The following UBE2H variants were observed in gnomAD, a reference collection of about 807,000 sequenced individuals.
The protein encoded by UBE2H is ubiquitin-conjugating enzyme E2 H.
Under a neutral mutation model 29.0 loss-of-function variants are expected in UBE2H, and 3 were observed. The ratio of observed to expected loss-of-function variants is 0.10; its 90% CI spans 0.05 to 0.27. The LOEUF (loss-of-function observed/expected upper bound fraction) is 0.27, where lower values mean the gene tolerates loss of function less well. Among genes scored for constraint, UBE2H ranks in the 10% least tolerant of loss-of-function variants. UBE2H has a pLI of 1.00. For synonymous variants in UBE2H, 69 were observed against 82.9 expected (o/e 0.83, Z 0.91); for missense variants, 68 against 228.2 (o/e 0.30, Z 4.52).
chr7:129,944,722 A>ACT (rs1807721636), intron 1 of UBE2H, among the ~76,000 whole-genome samples: 1 of 97,098 alleles, frequency 1.0e-5, no homozygotes, highest in African/African-American at 4.0e-5. Context: ...CAAAACACAC[A>ACT]CACACACACA....
intron 3 of UBE2H, among the ~76,000 whole-genome samples, chr7:129,863,444 T>C (rs890785335): frequency 1.3e-5 from 2 of 152,206 alleles, no homozygotes; most frequent in African/African-American, 4.8e-5. Context: ...TTGAACTATA[T>C]GATCTCCCAA....
At chr7:129,904,199 G>A (rs1357523064) in intron 1 of UBE2H, among the ~76,000 whole-genome samples, 1 of 152,012 alleles carries the variant, frequency 6.6e-6, no homozygotes, top group Non-Finnish European at 1.5e-5. Flanking sequence ...CCTCCCCAGG[G>A]CCTTTGCAAT....
At position 129,849,152 on chromosome 7, in the gene UBE2H, GA is replaced by G. The variant is rs1387244280; in HGVS notation, c.298+8358del. Among the ~76,000 whole-genome samples, 12 of 91,822 alleles carry G rather than the reference GA, an allele frequency of 1.3e-4. No individual in the cohort carries two copies. In the South Asian group the frequency reaches 5.1e-3, roughly 39 times the overall value. 60.2% of individuals were successfully genotyped at this position (91,822 alleles called of 152,430 possible). A position where few individuals can be genotyped will look rare whatever the true frequency, so the allele number is the denominator to read the frequency against. On this transcript the variant is annotated intron_variant, in intron 5 of 6. Transcript: ENST00000355621. ...ACACAACTAAGCAGTTGTTATTTTT[GA>G]AAAAAACTTGCAAACAGAGGGCCCT...
intron 1 of UBE2H, among the ~76,000 whole-genome samples, chr7:129,944,758 ACGCACGCG>A (rs1807727371): frequency 6.6e-6 from 1 of 150,478 alleles, no homozygotes; most frequent in Non-Finnish European, 1.5e-5. Context: ...ACACGCACGC[ACGCACGCG>A]CATGCGCAAA....
At chr7:129,882,769 T>C (rs1806280337) in intron 1 of UBE2H, among the ~76,000 whole-genome samples, 1 of 152,134 alleles carries the variant, frequency 6.6e-6, no homozygotes, top group Non-Finnish European at 1.5e-5. Context: ...ATGTAATAAG[T>C]AAAAGCATAA....
chr7:129,854,716 T>C (rs1281817594), intron 5 of UBE2H, among the ~76,000 whole-genome samples: 2 of 152,232 alleles, frequency 1.3e-5, no homozygotes, highest in Admixed American at 6.5e-5. Flanking sequence ...CCTAGGTATA[T>C]ACCCAAGAGA....
chr7:129,924,237 A>G (rs1477467672), intron 1 of UBE2H, among the ~76,000 whole-genome samples: 2 of 152,194 alleles, frequency 1.3e-5, no homozygotes, highest in Non-Finnish European at 2.9e-5. Context: ...TTATACTTTC[A>G]CAATACTCCA....
At chr7:129,844,412 GAATAA>G (rs1805477550) in intron 5 of UBE2H, among the ~76,000 whole-genome samples, 3 of 152,166 alleles carry the variant, frequency 2.0e-5, no homozygotes, top group Non-Finnish European at 2.9e-5. Flanking sequence ...TATAAATCAA[GAATAA>G]AATAAAGATA....
rs922519226 is a variant in UBE2H at position 129,834,586 on chromosome 7, A to C, written c.*351T>G. On this transcript the variant is annotated 3_prime_UTR_variant, in exon 7 of 7. Coordinates refer to ENST00000355621, the MANE Select transcript of UBE2H (RefSeq NM_003344.4). Reference sequence around the variant, plus strand: ...TTGTTTCTTTGGAAACCAATAAAAGAAGCAATTTTTTCCTGTTCTTTTTAC... The same window carrying C: ...TTGTTTCTTTGGAAACCAATAAAAGCAGCAATTTTTTCCTGTTCTTTTTAC... 2 of 160,648 alleles carry C rather than the reference A, an allele frequency of 1.2e-5. No homozygotes were observed. Among genetic ancestry groups the C allele is most frequent in the Non-Finnish European group, 2.7e-5 (2 of 73,590 alleles). The allele number at this position is 160,648 out of a possible 1,614,324, so 10.0% of individuals were successfully genotyped here.
At chr7:129,898,575 C>T (rs1806644936) in intron 1 of UBE2H, among the ~76,000 whole-genome samples, 1 of 152,122 alleles carries the variant, frequency 6.6e-6, no homozygotes, top group Admixed American at 6.5e-5. Flanking sequence ...CTAGACACAA[C>T]AGTGGATGTA....
intron 1 of UBE2H, among the ~76,000 whole-genome samples, chr7:129,893,316 T>C (rs991622088): frequency 1.3e-5 from 2 of 152,200 alleles, no homozygotes; most frequent in African/African-American, 4.8e-5. Context: ...ATAACTTGGC[T>C]TTTCCCTGAA....
At chr7:129,946,985 C>T (rs1161124705) in intron 1 of UBE2H, among the ~76,000 whole-genome samples, 1 of 152,058 alleles carries the variant, frequency 6.6e-6, no homozygotes, top group Non-Finnish European at 1.5e-5. Flanking sequence ...AAAAGAATAC[C>T]AATGTTTAAA....
chr7:129,864,136 G>T (rs1427372751), intron 3 of UBE2H, among the ~76,000 whole-genome samples: 2 of 152,078 alleles, frequency 1.3e-5, no homozygotes, highest in Non-Finnish European at 2.9e-5. Context: ...CAAATACATG[G>T]AAAAAAGCAT....
chr7:129,890,330 C>CGT (rs1178297298), intron 1 of UBE2H, among the ~76,000 whole-genome samples: 1 of 150,802 alleles, frequency 6.6e-6, no homozygotes, highest in East Asian at 1.9e-4. Flanking sequence ...TGTATATATA[C>CGT]GTGTGTATAT....
At chr7:129,938,200 C>T (rs187150770) in intron 1 of UBE2H, among the ~76,000 whole-genome samples, 1 of 152,074 alleles carries the variant, frequency 6.6e-6, no homozygotes, top group Non-Finnish European at 1.5e-5. Flanking sequence ...TGCTTGAACT[C>T]AGGAGTTCAA....
intron 1 of UBE2H, among the ~76,000 whole-genome samples, chr7:129,887,218 CTTTTTTT>C (rs58727788): frequency 1.9e-5 from 2 of 103,974 alleles, no homozygotes; most frequent in Non-Finnish European, 4.0e-5. Flanking sequence ...CTCTCTTGAA[CTTTTTTT>C]TTTTTTTTTT....
chr7:129,875,561 GC>G (rs1170702966), intron 3 of UBE2H, among the ~76,000 whole-genome samples: 1 of 152,126 alleles, frequency 6.6e-6, no homozygotes, highest in Non-Finnish European at 1.5e-5. Context: ...TGGTAGACTG[GC>G]TGTATCATAA....
intron 1 of UBE2H, among the ~76,000 whole-genome samples, chr7:129,885,719 C>T (rs1309382275): frequency 6.6e-6 from 1 of 152,122 alleles, no homozygotes; most frequent in South Asian, 2.1e-4. Context: ...TTTTACCAAA[C>T]CAGTAAAATG....
chr7:129,859,225 T>C (rs933815100), intron 3 of UBE2H, among the ~76,000 whole-genome samples: 1 of 152,176 alleles, frequency 6.6e-6, no homozygotes, highest in Admixed American at 6.5e-5. Flanking sequence ...AAGGTACTGC[T>C]CAAAGATAAA....
Sources: allele counts gnomAD v4.1 joint callset (sites outside exome capture counted in the v4.1 genomes callset), GRCh38; gene constraint gnomAD v4.1.1; transcripts MANE v1.5; gene names NCBI Gene and HGNC (gene_info 2026-07-23, HGNC 2026-07-21).